Variants in PKN2 observed in about 807,000 individuals in gnomAD.
The protein encoded by PKN2 is serine/threonine-protein kinase N2.
Under a neutral mutation model 119.1 loss-of-function variants are expected in PKN2, and 38 were observed. The observed-to-expected ratio is 0.32, with a 90% confidence interval of 0.25 to 0.42. PKN2 has a LOEUF of 0.42. PKN2 is among the 10% of genes least tolerant of loss of function. The pLI, the probability that PKN2 is intolerant of heterozygous loss-of-function variation, is 1.00. For synonymous variants in PKN2, 390 were observed against 384.9 expected (o/e 1.01, Z -0.15); for missense variants, 850 against 1,165.1 (o/e 0.73, Z 3.94).
intron 18 of PKN2, among the ~76,000 whole-genome samples, chr1:88,826,830 T>G (rs1672516883): frequency 6.6e-6 from 1 of 152,180 alleles, no homozygotes; most frequent in Non-Finnish European, 1.5e-5. Flanking sequence ...CTTCATTAAT[T>G]AACTTTTTCC....
chr1:88,690,392 C>T (rs1666285569), intron 1 of PKN2, among the ~76,000 whole-genome samples: 1 of 152,170 alleles, frequency 6.6e-6, no homozygotes, highest in African/African-American at 2.4e-5. Context: ...ACATTATTCC[C>T]TCATAAAATA....
At chr1:88,825,657 G>A (rs535467082) in intron 18 of PKN2, among the ~76,000 whole-genome samples, 52 of 152,064 alleles carry the variant, frequency 3.4e-4, no homozygotes, top group Non-Finnish European at 6.3e-4. Context: ...ATCTTGTTTT[G>A]ACAAGACAGG....
rs1216324940 is a variant in PKN2, at chr1:88,743,623, TCTC to T, written c.349+2341_349+2343del. On this transcript the variant is annotated intron_variant, in intron 2 of 21. Transcript: ENST00000370521. ...CTGTACATGTTATATCACTAAACTG[TCTC>T]CTCCTTGAAGGGAGGGACATGTGTT... Among the ~76,000 whole-genome samples, 6 of 152,284 alleles carry T rather than the reference TCTC, an allele frequency of 3.9e-5. No homozygotes were observed. In the South Asian group the frequency reaches 1.0e-3, roughly 26 times the overall value.
chr1:88,815,239 A>G (rs1004409066), intron 16 of PKN2, among the ~76,000 whole-genome samples: 1 of 152,234 alleles, frequency 6.6e-6, no homozygotes, highest in African/African-American at 2.4e-5. Context: ...TATAAATTAT[A>G]TACAAATAAA....
At chr1:88,725,978 GTGTTTTTAACTT>G (rs936382757) in intron 1 of PKN2, among the ~76,000 whole-genome samples, 1 of 152,084 alleles carries the variant, frequency 6.6e-6, no homozygotes, top group African/African-American at 2.4e-5. Flanking sequence ...AACTGGTATT[GTGTTTTTAACTT>G]TGTTGTCTAC....
At chr1:88,824,864 A>C (rs1462682181) in intron 18 of PKN2, among the ~76,000 whole-genome samples, 3 of 152,278 alleles carry the variant, frequency 2.0e-5, no homozygotes, top group Non-Finnish European at 4.4e-5. Flanking sequence ...AAGGATAAAG[A>C]TCATGGGCTT....
intron 8 of PKN2, among the ~76,000 whole-genome samples, chr1:88,802,473 G>A (rs1012065284): frequency 1.3e-5 from 2 of 151,966 alleles, no homozygotes; most frequent in African/African-American, 4.8e-5. Context: ...CCACAGGTGC[G>A]TGCACCACGC....
intron 8 of PKN2, among the ~76,000 whole-genome samples, chr1:88,800,621 G>GA: frequency 6.6e-6 from 1 of 152,322 alleles, no homozygotes; most frequent in South Asian, 2.1e-4. Flanking sequence ...TATGAAAAGT[G>GA]AAAATACTCT....
chr1:88,758,679 G>C (rs1192927320), intron 2 of PKN2, among the ~76,000 whole-genome samples: 1 of 151,936 alleles, frequency 6.6e-6, no homozygotes, highest in Non-Finnish European at 1.5e-5. Flanking sequence ...ATAGCCTCCA[G>C]CTCCATCCAT....
At chr1:88,783,889 A>G (rs979408026) in intron 6 of PKN2, among the ~76,000 whole-genome samples, 1 of 152,184 alleles carries the variant, frequency 6.6e-6, no homozygotes, top group Non-Finnish European at 1.5e-5. Flanking sequence ...TTTTACATCA[A>G]ATAGAACACA....
chr1:88,692,215 TATTC>T (rs1284775349), intron 1 of PKN2, among the ~76,000 whole-genome samples: 2 of 152,196 alleles, frequency 1.3e-5, no homozygotes, highest in Non-Finnish European at 2.9e-5. Flanking sequence ...TTGAGTAAAA[TATTC>T]ATTAACTCTA....
chr1:88,805,419 A>T, intron 10 of PKN2, 78 bp from the exon 11 acceptor site: 3 of 1,253,654 alleles, frequency 2.4e-6, no homozygotes, highest in Non-Finnish European at 3.3e-6. Context: ...AAACTAATGG[A>T]TAAGAATTTT....
intron 8 of PKN2, among the ~76,000 whole-genome samples, chr1:88,788,520 A>C (rs1296391566): frequency 6.6e-6 from 1 of 151,706 alleles, no homozygotes; most frequent in Admixed American, 6.6e-5. Flanking sequence ...ATCTCGGCTC[A>C]TCGCAACCTC....
intron 15 of PKN2, among the ~76,000 whole-genome samples, chr1:88,809,800 T>A (rs1671706630): frequency 6.6e-6 from 1 of 152,114 alleles, no homozygotes; most frequent in South Asian, 2.1e-4. Context: ...TCCCCCATAG[T>A]GTCAGGGTCT....
At chr1:88,767,416 A>G (rs948509736) in intron 3 of PKN2, among the ~76,000 whole-genome samples, 2 of 152,184 alleles carry the variant, frequency 1.3e-5, no homozygotes, top group Non-Finnish European at 1.5e-5. Context: ...AAATTCATTC[A>G]TGCCTTGCAT....
At position 88,804,891 on chromosome 1, in the gene PKN2, A is replaced by G; in HGVS notation, c.1471A>G (p.Arg491Gly). ...TATTGAAAGAAGACCAAAACTTCAA[A>G]GACAAAAGAAAATTTTTTCAAAGCA... Reference protein sequence around the residue: ...PVIERRPKLQRQKKIFSKQQG... With the variant: ...PVIERRPKLQGQKKIFSKQQG... The change falls in exon 10 of 22, where the codon AGA becomes GGA. Residue 491 changes from arginine (R) to glycine (G), a missense_variant. Transcript: ENST00000370521. 6.4e-7 allele frequency: 1 copy of G among 1,570,660 alleles called. No individual in the cohort carries two copies. The highest frequency in any genetic ancestry group is 8.7e-7 in the Non-Finnish European group (1 of 1,148,374).
At chr1:88,724,922 A>G (rs999324084) in intron 1 of PKN2, among the ~76,000 whole-genome samples, 1 of 114,218 alleles carries the variant, frequency 8.8e-6, no homozygotes, top group Non-Finnish European at 1.7e-5. Flanking sequence ...TCTTTGAGAC[A>G]GTCTTGCTCT....
In PKN2 at chr1:88,770,438, A is replaced by G; in HGVS notation, c.591A>G (p.Ala197=). 1 of 1,608,520 alleles carries G rather than the reference A, an allele frequency of 6.2e-7. No homozygotes were observed. Among genetic ancestry groups the G allele is most frequent in the South Asian group, 1.1e-5 (1 of 90,972 alleles). ...TCATACGAATGCAGATTCTTCAGGC[A>G]GTCCAGACTAATGAATTGGCTTTTG... ...IEVIRMQILQ[A]VQTNELAFDN... is the part of the protein sequence containing the mutation. The change falls in exon 4 of 22, where the codon GCA becomes GCG. Residue 197 remains alanine, a synonymous_variant. Transcript: ENST00000370521.
intron 16 of PKN2, among the ~76,000 whole-genome samples, chr1:88,818,669 A>T (rs966337778): frequency 6.6e-6 from 1 of 151,696 alleles, no homozygotes; most frequent in African/African-American, 2.4e-5. Flanking sequence ...AAAAAGAAAA[A>T]GAAGAAACTA....
Sources: gnomAD v4.1 joint callset for allele counts (sites outside exome capture counted in the v4.1 genomes callset) on GRCh38, gnomAD v4.1.1 for gene constraint, MANE v1.5 for transcripts, NCBI Gene and HGNC (gene_info 2026-07-23, HGNC 2026-07-21) for gene names.